DCC: variants seen among roughly 807,000 people sequenced by gnomAD.
DCC encodes the protein netrin receptor DCC.
Under a neutral mutation model 172.5 loss-of-function variants are expected in DCC, and 58 were observed. The observed-to-expected ratio is 0.34, with a 90% CI of 0.27 to 0.42. The LOEUF (loss-of-function observed/expected upper bound fraction) is 0.42, where lower values mean the gene tolerates loss of function less well. Among genes scored for constraint, DCC ranks in the 10% least tolerant of loss-of-function variants. The probability of loss-of-function intolerance (pLI) is 1.00; values close to 1 mark genes in which losing one functional copy is unlikely to be tolerated. For missense variants in DCC, 1,740 were observed against 1,791.0 expected (o/e 0.97, Z 0.51); for synonymous variants, 709 against 644.5 (o/e 1.10, Z -1.52).
intron 1 of DCC, among the ~76,000 whole-genome samples, chr18:52,502,709 C>T (rs748810293): frequency 1.3e-5 from 2 of 152,120 alleles, no homozygotes; most frequent in Non-Finnish European, 2.9e-5. Context: ...CTGCCACATG[C>T]GAAGTCTATC....
chr18:53,048,648 A>C (rs968929975), intron 5 of DCC, among the ~76,000 whole-genome samples: 2 of 150,968 alleles, frequency 1.3e-5, no homozygotes, highest in African/African-American at 4.9e-5. Flanking sequence ...ATATATATAT[A>C]CACATTCTTT....
intron 1 of DCC, among the ~76,000 whole-genome samples, chr18:52,513,280 C>T (rs901594462): frequency 2.6e-5 from 4 of 152,194 alleles, no homozygotes; most frequent in Non-Finnish European, 4.4e-5. Flanking sequence ...ATGCACCATT[C>T]TAAACCATGA....
chr18:52,900,438 T>A (rs1314508984), intron 2 of DCC, among the ~76,000 whole-genome samples: 4 of 152,250 alleles, frequency 2.6e-5, no homozygotes, highest in African/African-American at 9.6e-5. Context: ...AGTCTCATAA[T>A]GGCTCTATAT....
intron 5 of DCC, among the ~76,000 whole-genome samples, chr18:53,032,050 T>C (rs1293008105): frequency 6.6e-6 from 1 of 152,190 alleles, no homozygotes; most frequent in Non-Finnish European, 1.5e-5. Flanking sequence ...TATATTGTAC[T>C]CAGGAGGTCA....
At chr18:52,391,978 C>T (rs541570151) in intron 1 of DCC, among the ~76,000 whole-genome samples, 8 of 152,132 alleles carry the variant, frequency 5.3e-5, no homozygotes, top group Admixed American at 1.3e-4. Context: ...GCCAGTGTAG[C>T]GCTATGTGTC....
intron 1 of DCC, among the ~76,000 whole-genome samples, chr18:52,365,874 T>A (rs1984825032): frequency 6.6e-6 from 1 of 152,198 alleles, no homozygotes; most frequent in Admixed American, 6.5e-5. Context: ...TATGGCTTTG[T>A]TCCAATAAAG....
At chr18:53,361,931 T>C (rs1425639354) in intron 15 of DCC, among the ~76,000 whole-genome samples, 1 of 152,172 alleles carries the variant, frequency 6.6e-6, no homozygotes, top group East Asian at 1.9e-4. Context: ...CAATCATTTC[T>C]GAGCAGACAT....
intron 1 of DCC, among the ~76,000 whole-genome samples, chr18:52,523,186 CAT>C (rs953299265): frequency 6.6e-6 from 1 of 152,118 alleles, no homozygotes; most frequent in African/African-American, 2.4e-5. Context: ...GCAGATTCTA[CAT>C]GATTGCATCT....
At chr18:53,031,372 C>T (rs2042023393) in intron 5 of DCC, among the ~76,000 whole-genome samples, 1 of 152,104 alleles carries the variant, frequency 6.6e-6, no homozygotes, top group South Asian at 2.1e-4. Context: ...TAGAGTTCCT[C>T]ATCTTTTCTG....
At chr18:52,868,952 C>T (rs1279884964) in intron 2 of DCC, among the ~76,000 whole-genome samples, 3 of 152,192 alleles carry the variant, frequency 2.0e-5, no homozygotes. Flanking sequence ...CAGGCAGTTT[C>T]CCCAGCTGGC....
chr18:52,483,509 T>G (rs975820665), intron 1 of DCC, among the ~76,000 whole-genome samples: 1 of 152,108 alleles, frequency 6.6e-6, no homozygotes, highest in Admixed American at 6.6e-5. Flanking sequence ...TATTAACAAT[T>G]TGTCTTGAAA....
intron 1 of DCC, among the ~76,000 whole-genome samples, chr18:52,441,778 C>A (rs1447191803): frequency 1.6e-4 from 24 of 152,140 alleles, no homozygotes; most frequent in Admixed American, 1.6e-3. Flanking sequence ...TGGGTCAGGT[C>A]CCACAAAGGA....
intron 1 of DCC, among the ~76,000 whole-genome samples, chr18:52,600,672 A>G (rs758255065): frequency 6.6e-6 from 1 of 152,122 alleles, no homozygotes; most frequent in African/African-American, 2.4e-5. Context: ...TTCTTTAATC[A>G]CTTTCAATAA....
rs776894173 is a variant in DCC, at chr18:53,111,852, T to A, written c.1262-45504T>A. On this transcript the variant is annotated intron_variant, in intron 7 of 28. Transcript: ENST00000442544. ...TCAGCCAAGCACAAGTCATGTTAGATATTTTAGTTGTTTTGCAATTTGCAG... is the reference window on the plus strand; with the variant it reads ...TCAGCCAAGCACAAGTCATGTTAGAAATTTTAGTTGTTTTGCAATTTGCAG... 6.0e-4 allele frequency among the ~76,000 whole-genome samples: 91 copies of A among 151,842 alleles called. 3 individuals are homozygous for A. Among genetic ancestry groups the A allele is most frequent in the South Asian group, 2.1e-4 (1 of 4,830 alleles).
In DCC at chr18:53,427,936, T is replaced by C. The variant is rs1471686162; in HGVS notation, c.3164-7208T>C. Among the ~76,000 whole-genome samples, 2 of 50,808 alleles carry C rather than the reference T, an allele frequency of 3.9e-5. 1 individual carries two copies. The highest frequency in any genetic ancestry group is 9.9e-5 in the Non-Finnish European group (2 of 20,236). 33.3% of individuals were successfully genotyped at this position (50,808 alleles called of 152,430 possible). ...TAATAATATAATATATAATATAATA[T>C]AATATATTATAATATATAATATAAT... On this transcript the variant is annotated intron_variant, in intron 21 of 28. Coordinates refer to ENST00000442544, the MANE Select transcript of DCC (RefSeq NM_005215.4).
chr18:52,879,755 A>G (rs886503013), intron 2 of DCC, among the ~76,000 whole-genome samples: 1 of 152,092 alleles, frequency 6.6e-6, no homozygotes, highest in African/African-American at 2.4e-5. Context: ...TGTCAGGACT[A>G]CTGTCGCAGC....
At chr18:52,733,090 C>T (rs143189069) in intron 1 of DCC, among the ~76,000 whole-genome samples, 34 of 152,208 alleles carry the variant, frequency 2.2e-4, no homozygotes, top group African/African-American at 7.7e-4. Context: ...GTTGTCTGAA[C>T]ACATTTATCC....
intron 5 of DCC, among the ~76,000 whole-genome samples, chr18:53,020,431 C>G (rs1030536780): frequency 2.0e-5 from 3 of 152,104 alleles, no homozygotes; most frequent in African/African-American, 7.2e-5. Flanking sequence ...TTAACATGTT[C>G]ATAAAAATGT....
At chr18:53,079,493 T>C (rs1254955681) in intron 7 of DCC, among the ~76,000 whole-genome samples, 1 of 152,154 alleles carries the variant, frequency 6.6e-6, no homozygotes, top group Non-Finnish European at 1.5e-5. Flanking sequence ...ACTAATGATG[T>C]AGTTACTTTG....
Sources: gnomAD v4.1 joint callset for allele counts (sites outside exome capture counted in the v4.1 genomes callset) on GRCh38, gnomAD v4.1.1 for gene constraint, MANE v1.5 for transcripts, NCBI Gene and HGNC (gene_info 2026-07-23, HGNC 2026-07-21) for gene names.